USP13: variants seen among roughly 807,000 people sequenced by gnomAD.
USP13 encodes ubiquitin carboxyl-terminal hydrolase 13.
Under a neutral mutation model 107.8 loss-of-function variants are expected in USP13, and 68 were observed. That is an observed-to-expected ratio of 0.63 (90% CI 0.52 to 0.77). The LOEUF (loss-of-function observed/expected upper bound fraction) is 0.77, where lower values mean the gene tolerates loss of function less well. Among genes scored for constraint, USP13 ranks in the 30% least tolerant of loss-of-function variants. The pLI, the probability that USP13 is intolerant of heterozygous loss-of-function variation, is 0.00. For synonymous variants in USP13, 377 were observed against 389.5 expected, an observed-to-expected ratio of 0.97 and a Z score of 0.38; for missense variants, 945 against 1,093.3, an observed-to-expected ratio of 0.86 and a Z score of 1.91.
intron 2 of USP13, among the ~76,000 whole-genome samples, chr3:179,685,531 A>G (rs984770533): frequency 1.3e-5 from 2 of 152,064 alleles, no homozygotes; most frequent in African/African-American, 4.8e-5. Context: ...TTGACTTGCT[A>G]CTGAATGATT....
intron 1 of USP13, among the ~76,000 whole-genome samples, chr3:179,669,731 A>G (rs1420788089): frequency 2.0e-5 from 3 of 152,210 alleles, no homozygotes. Flanking sequence ...CTGAATTTTT[A>G]ATTTAACTTA....
At chr3:179,663,726 T>C (rs1720515083) in intron 1 of USP13, among the ~76,000 whole-genome samples, 1 of 152,248 alleles carries the variant, frequency 6.6e-6, no homozygotes, top group African/African-American at 2.4e-5. Flanking sequence ...GTTTACCTTG[T>C]TGATCCAGCT....
At chr3:179,752,602 G>A (rs2108525304) in intron 14 of USP13, among the ~76,000 whole-genome samples, 1 of 152,234 alleles carries the variant, frequency 6.6e-6, no homozygotes, top group East Asian at 1.9e-4. Context: ...TTCTAAGAGT[G>A]TAAACAGAAT....
intron 1 of USP13, among the ~76,000 whole-genome samples, chr3:179,658,848 A>G (rs1299035862): frequency 6.6e-6 from 1 of 152,156 alleles, no homozygotes; most frequent in Non-Finnish European, 1.5e-5. Flanking sequence ...AATGGGAAGT[A>G]TTTTGACAAG....
chr3:179,746,429 TA>T (rs1228231405), intron 13 of USP13, among the ~76,000 whole-genome samples: 3 of 151,186 alleles, frequency 2.0e-5, no homozygotes, highest in Admixed American at 6.6e-5. Flanking sequence ...AATTTTTGTA[TA>T]TTTTTTTTTG....
intron 14 of USP13, among the ~76,000 whole-genome samples, chr3:179,753,331 G>T (rs2078298688): frequency 6.6e-6 from 1 of 152,188 alleles, no homozygotes; most frequent in African/African-American, 2.4e-5. Flanking sequence ...TCCTGCAGGA[G>T]ATCCTCCCTT....
At chr3:179,738,257 T>C (rs192445745) in intron 10 of USP13, among the ~76,000 whole-genome samples, 2 of 151,820 alleles carry the variant, frequency 1.3e-5, no homozygotes, top group Admixed American at 1.3e-4. Flanking sequence ...CAAAGGGAGG[T>C]TTTATGGAAA....
chr3:179,725,810 C>G (rs1467285646), intron 8 of USP13, among the ~76,000 whole-genome samples: 2 of 152,186 alleles, frequency 1.3e-5, no homozygotes, highest in African/African-American at 4.8e-5. Context: ...CATGAGATGA[C>G]ATTCTAGTAT....
chr3:179,669,843 C>A (rs78055508), intron 1 of USP13, among the ~76,000 whole-genome samples: 7,226 of 152,184 alleles, frequency 0.047, 201 homozygotes, highest in African/African-American at 0.058. Flanking sequence ...CCCCCCCCTC[C>A]ATAATTCTTC....
rs1320267542 is a variant in USP13 at position 179,690,301 on chromosome 3, G to C, written c.355G>C (p.Asp119His). ...PKRRNSKIFL[D>H]LDTDDDLNSD... ...AAGGAGGAATTCCAAGATTTTTTTAGGTAAATAGTTATCAGTAGCATGCTC... is the reference window on the plus strand; with the variant it reads ...AAGGAGGAATTCCAAGATTTTTTTACGTAAATAGTTATCAGTAGCATGCTC... The change falls in exon 3 of 21, where the codon GAT becomes CAT. Residue 119 changes from aspartate to histidine, a missense_variant and splice_region_variant. Transcript: ENST00000263966. 1.2e-6 allele frequency: 2 copies of C among 1,613,620 alleles called. No individual in the cohort carries two copies. Among genetic ancestry groups the C allele is most frequent in the African/African-American group, 1.3e-5 (1 of 74,902 alleles).
chr3:179,761,725 A>AAAAC (rs936961162), intron 17 of USP13, among the ~76,000 whole-genome samples: 1 of 152,328 alleles, frequency 6.6e-6, no homozygotes, highest in African/African-American at 2.4e-5. Context: ...CTGTCTCAAA[A>AAAAC]AAACAAACAA....
At chr3:179,730,768 G>A in intron 10 of USP13, 59 bp downstream of exon 10, 1 of 1,515,286 alleles carries the variant, frequency 6.6e-7, no homozygotes, top group Non-Finnish European at 9.1e-7. Context: ...TTAGAATGTG[G>A]GTTTCCTATG....
intron 20 of USP13, among the ~76,000 whole-genome samples, chr3:179,782,100 G>A (rs947664433): frequency 3.9e-5 from 6 of 152,118 alleles, no homozygotes; most frequent in African/African-American, 1.4e-4. Context: ...GATGCATCCT[G>A]CAGCAGAATG....
chr3:179,731,732 A>G (rs566689595), intron 10 of USP13, among the ~76,000 whole-genome samples: 11 of 152,248 alleles, frequency 7.2e-5, no homozygotes, highest in Admixed American at 5.9e-4. Flanking sequence ...CAGCTTACGC[A>G]TCTGTGTTTG....
At position 179,678,156 on chromosome 3, in the gene USP13, A is replaced by C. The variant is rs1274707446; in HGVS notation, c.169-3722A>C. Among the ~76,000 whole-genome samples the C allele has an allele frequency of 1.3e-5, 2 of 152,200 alleles. No homozygotes were observed. The highest frequency in any genetic ancestry group is 2.1e-4 in the South Asian group (1 of 4,826). On this transcript the variant is annotated intron_variant, in intron 1 of 20. Transcript: ENST00000263966. The surrounding 1 kb of genome is among the most constrained non-coding windows in gnomAD (Gnocchi z 4.2). ...TTACAGATCCCATATTTTCCCCAGT[A>C]AATCTTCTGGTTCAAATTCATTGAC...
Position 179,653,951 on chromosome 3 carries a change from A to G in USP13, c.168+558A>G, listed in dbSNP as rs113653099. On this transcript the variant is annotated intron_variant, in intron 1 of 20. Coordinates refer to ENST00000263966, the MANE Select transcript of USP13 (RefSeq NM_003940.3). The surrounding 1 kb of genome is among the most constrained non-coding windows in gnomAD (Gnocchi z 4.0). ...GGCCAGGCGCGGTGGCTCACGTCTGAAATCCTAGCACTTTTTAAGAGGCGG... is the reference window on the plus strand; with the variant it reads ...GGCCAGGCGCGGTGGCTCACGTCTGGAATCCTAGCACTTTTTAAGAGGCGG... Among the ~76,000 whole-genome samples the G allele has an allele frequency of 8.4e-3, 1,272 of 151,808 alleles. 14 individuals are homozygous for G. Among genetic ancestry groups the G allele is most frequent in the African/African-American group, 0.029 (1,213 of 41,404 alleles).
intron 4 of USP13, among the ~76,000 whole-genome samples, chr3:179,706,504 A>G (rs369164756): frequency 3.9e-5 from 6 of 152,224 alleles, no homozygotes; most frequent in African/African-American, 1.2e-4. Flanking sequence ...CCTTGACCAC[A>G]TGCCATTGTG....
At chr3:179,733,100 C>T (rs144726648) in intron 10 of USP13, among the ~76,000 whole-genome samples, 14 of 152,334 alleles carry the variant, frequency 9.2e-5, no homozygotes, top group Non-Finnish European at 1.3e-4. Context: ...CAGCTGGCTC[C>T]GGTCCCTTTG....
chr3:179,780,634 A>G (rs1173479366), intron 19 of USP13, among the ~76,000 whole-genome samples: 1 of 152,150 alleles, frequency 6.6e-6, no homozygotes, highest in Non-Finnish European at 1.5e-5. Flanking sequence ...CAACCAAGAG[A>G]GTCATGTCCT....
Sources: gnomAD v4.1 joint callset for allele counts (sites outside exome capture counted in the v4.1 genomes callset) on GRCh38, gnomAD v4.1.1 for gene constraint, Gnocchi (gnomAD v3.1) non-coding constraint, MANE v1.5 for transcripts, NCBI Gene and HGNC (gene_info 2026-07-23, HGNC 2026-07-21) for gene names.